The following PBX1 variants were observed in gnomAD, a reference collection of about 807,000 sequenced individuals.
PBX1 encodes the protein PBX homeobox 1, also known as pre-B-cell leukemia transcription factor 1.
PBX1 carries 6 observed loss-of-function variants against 53.4 expected under a neutral mutation model. The ratio of observed to expected loss-of-function variants is 0.11; its 90% CI spans 0.06 to 0.22. The LOEUF (loss-of-function observed/expected upper bound fraction) is 0.22. Ranked by LOEUF, PBX1 falls within the 10% of genes least tolerant of loss-of-function variation. PBX1 has a pLI of 1.00. For synonymous variants in PBX1, 204 were observed against 212.3 expected (o/e 0.96, Z 0.34); for missense variants, 251 against 551.4 (o/e 0.46, Z 5.46).
chr1:164,753,156 T>C (rs1196850676), intron 2 of PBX1, among the ~76,000 whole-genome samples: 2 of 152,354 alleles, frequency 1.3e-5, no homozygotes, highest in Non-Finnish European at 2.9e-5. Context: ...CTTTTTTGGC[T>C]CTCAAAAGTT....
intron 2 of PBX1, among the ~76,000 whole-genome samples, chr1:164,615,636 G>A (rs1047832012): frequency 6.6e-6 from 1 of 152,154 alleles, no homozygotes; most frequent in Non-Finnish European, 1.5e-5. Flanking sequence ...TTGGATCGAC[G>A]AGGTGGTGAT....
At chr1:164,599,619 T>C (rs1210920586) in intron 2 of PBX1, among the ~76,000 whole-genome samples, 2 of 152,190 alleles carry the variant, frequency 1.3e-5, no homozygotes, top group East Asian at 3.9e-4. Flanking sequence ...TGGGGATAAC[T>C]GGGAATGGGG....
intron 2 of PBX1, among the ~76,000 whole-genome samples, chr1:164,648,037 G>A (rs1185679911): frequency 2.6e-5 from 4 of 151,954 alleles, no homozygotes; most frequent in Admixed American, 6.6e-5. Flanking sequence ...GGAAGGTCTC[G>A]ATCTCCTGAC....
chr1:164,866,609 A>G (rs748761028), intron 2 of PBX1, among the ~76,000 whole-genome samples: 1 of 152,246 alleles, frequency 6.6e-6, no homozygotes, highest in African/African-American at 2.4e-5. Flanking sequence ...TCTAACCAGA[A>G]GTGTAGGCAC....
rs1553227162 is a variant in PBX1, at chr1:164,667,432, G to GTGTA, written c.265+104122_265+104123insGTAT. 2.7e-5 allele frequency among the ~76,000 whole-genome samples: 4 copies of GTGTA among 149,772 alleles called. No homozygotes were observed. The South Asian group carries it at 6.4e-4, about 24-fold the overall frequency. On this transcript the variant is annotated intron_variant, in intron 2 of 8. Coordinates refer to ENST00000420696, the MANE Select transcript of PBX1 (RefSeq NM_002585.4). ...ATAATATGTGTGTGTGTGTGTGTGT[G>GTGTA]TATATATGTATAGCTCTGTCTATAT...
At chr1:164,623,890 GACA>G (rs774686707) in intron 2 of PBX1, among the ~76,000 whole-genome samples, 24 of 152,298 alleles carry the variant, frequency 1.6e-4, no homozygotes, top group Non-Finnish European at 2.6e-4. Context: ...AATGGACTGT[GACA>G]ACAAGTTGTG....
intron 2 of PBX1, among the ~76,000 whole-genome samples, chr1:164,857,883 A>G (rs1207870733): frequency 6.6e-6 from 1 of 152,194 alleles, no homozygotes; most frequent in Non-Finnish European, 1.5e-5. Context: ...GTGAGTTAAT[A>G]TATGTAAAGC....
intron 8 of PBX1, among the ~76,000 whole-genome samples, chr1:164,835,276 G>C (rs2102399640): frequency 1.3e-5 from 2 of 150,110 alleles, no homozygotes; most frequent in Middle Eastern, 3.4e-3. Context: ...TAATAACACG[G>C]TGGTAAGCTT....
At chr1:164,860,663 A>G (rs1187595619) in intron 2 of PBX1, among the ~76,000 whole-genome samples, 1 of 152,170 alleles carries the variant, frequency 6.6e-6, no homozygotes, top group Non-Finnish European at 1.5e-5. Context: ...TAGAATATGC[A>G]TAGACATTCT....
rs1662584975 is a variant in PBX1, at chr1:164,693,060, A to C, written c.266-99434A>C. ...ACCTTCCCTGAGACCACTGTTCGCCAAGGTCACTGTGTGTGCCCCACAGGC... is the reference window on the plus strand; with the variant it reads ...ACCTTCCCTGAGACCACTGTTCGCCCAGGTCACTGTGTGTGCCCCACAGGC... On this transcript the variant is annotated intron_variant, in intron 2 of 8. Coordinates refer to ENST00000420696, the MANE Select transcript of PBX1 (RefSeq NM_002585.4). Among the ~76,000 whole-genome samples the C allele has an allele frequency of 2.0e-5, 3 of 152,228 alleles. No individual in the cohort carries two copies. In the South Asian group the frequency reaches 6.2e-4, roughly 32 times the overall value.
At chr1:164,630,526 C>T (rs1658344207) in intron 2 of PBX1, among the ~76,000 whole-genome samples, 1 of 151,852 alleles carries the variant, frequency 6.6e-6, no homozygotes, top group African/African-American at 2.4e-5. Flanking sequence ...CTTCTTTTAC[C>T]CAAATATTTG....
chr1:164,867,342 C>T (rs747891981), intron 2 of PBX1, among the ~76,000 whole-genome samples: 5 of 152,194 alleles, frequency 3.3e-5, no homozygotes, highest in Non-Finnish European at 7.3e-5. Context: ...CAGCATCCTA[C>T]ATTTGGCTTC....
chr1:164,632,203 C>A (rs113441576), intron 2 of PBX1, among the ~76,000 whole-genome samples: 108 of 152,234 alleles, frequency 7.1e-4, no homozygotes, highest in African/African-American at 2.5e-3. Flanking sequence ...AGGACCTTGC[C>A]GCAGCCTAGG....
At chr1:164,835,246 T>C (rs866638168) in intron 8 of PBX1, among the ~76,000 whole-genome samples, 4 of 83,208 alleles carry the variant, frequency 4.8e-5, no homozygotes, top group African/African-American at 2.0e-4. Flanking sequence ...TTGGTTTTTT[T>C]TTTTTTTTTT....
intron 2 of PBX1, among the ~76,000 whole-genome samples, chr1:164,733,146 T>C (rs1399040443): frequency 1.3e-5 from 2 of 152,194 alleles, no homozygotes; most frequent in Non-Finnish European, 2.9e-5. Flanking sequence ...TTCTGAGATA[T>C]TGATGTTTCT....
chr1:164,717,290 A>G (rs535252404), intron 2 of PBX1, among the ~76,000 whole-genome samples: 1 of 152,212 alleles, frequency 6.6e-6, no homozygotes, highest in South Asian at 2.1e-4. Context: ...GTTTAAGAAT[A>G]TGACACTGGA....
At chr1:164,712,631 G>A (rs761769368) in intron 2 of PBX1, among the ~76,000 whole-genome samples, 4 of 152,206 alleles carry the variant, frequency 2.6e-5, no homozygotes, top group Non-Finnish European at 4.4e-5. Flanking sequence ...GTGAGGTGGA[G>A]GGGGATGTTA....
chr1:164,615,996 C>T (rs939382093), intron 2 of PBX1, among the ~76,000 whole-genome samples: 2 of 152,098 alleles, frequency 1.3e-5, no homozygotes, highest in African/African-American at 4.8e-5. Flanking sequence ...AGGTGATCAC[C>T]ATGGAAATGC....
intron 3 of PBX1, among the ~76,000 whole-genome samples, chr1:164,794,614 T>A (rs57364312): frequency 0.27 from 41,014 of 152,154 alleles, 5,727 homozygotes; most frequent in East Asian, 0.3. Context: ...CTCAGAGAGC[T>A]GGCTGAACTG....
Sources: allele counts gnomAD v4.1 joint callset (sites outside exome capture counted in the v4.1 genomes callset), GRCh38; gene constraint gnomAD v4.1.1; transcripts MANE v1.5; gene names NCBI Gene and HGNC (gene_info 2026-07-23, HGNC 2026-07-21).